Variants in ZZZ3 observed in about 807,000 individuals in gnomAD.
ZZZ3 encodes the protein zinc finger ZZ-type containing 3.
In ZZZ3, 22 loss-of-function variants were observed where a neutral mutation model predicts 95.2. That is an observed-to-expected ratio of 0.23 (90% CI 0.17 to 0.33). The LOEUF (loss-of-function observed/expected upper bound fraction) is 0.33, where lower values mean the gene tolerates loss of function less well. Among genes scored for constraint, ZZZ3 ranks in the 10% least tolerant of loss-of-function variants. The pLI, the probability that ZZZ3 is intolerant of heterozygous loss-of-function variation, is 1.00. For missense variants in ZZZ3, 885 were observed against 1,066.5 expected (o/e 0.83, Z 2.37); for synonymous variants, 335 against 358.9 (o/e 0.93, Z 0.75).
At chr1:77,570,465 C>G (rs1211867861) in intron 12 of ZZZ3, among the ~76,000 whole-genome samples, 1 of 152,032 alleles carries the variant, frequency 6.6e-6, no homozygotes, top group East Asian at 1.9e-4. Flanking sequence ...ATACTTTCTA[C>G]AATCGCTTTC....
rs375700374 is a variant in ZZZ3 at position 77,678,701 on chromosome 1, G to A, written c.-403+3884C>T. Among the ~76,000 whole-genome samples the A allele has an allele frequency of 1.3e-4, 20 of 152,172 alleles. No individual in the cohort carries two copies. In the East Asian group the frequency reaches 2.5e-3, roughly 19 times the overall value. ...TGTAGATGACATTTCAGCTGCCAAT[G>A]TCCCTAACTCCAATGGCCAACACTG... On this transcript the variant is annotated intron_variant, in intron 1 of 14. Coordinates refer to ENST00000370801, the MANE Select transcript of ZZZ3 (RefSeq NM_015534.6).
intron 4 of ZZZ3, among the ~76,000 whole-genome samples, chr1:77,636,533 C>G (rs1193907817): frequency 6.6e-6 from 1 of 151,370 alleles, no homozygotes; most frequent in Non-Finnish European, 1.5e-5. Flanking sequence ...GGCAACATGG[C>G]GAAACCCTGT....
At chr1:77,654,357 T>A (rs1670083048) in intron 1 of ZZZ3, among the ~76,000 whole-genome samples, 1 of 152,078 alleles carries the variant, frequency 6.6e-6, no homozygotes, top group African/African-American at 2.4e-5. Flanking sequence ...AAGAGGAACA[T>A]TTCCCAACTC....
chr1:77,623,395 C>T (rs1470035914), intron 5 of ZZZ3, among the ~76,000 whole-genome samples: 1 of 152,074 alleles, frequency 6.6e-6, no homozygotes, highest in African/African-American at 2.4e-5. Flanking sequence ...CTCCACAAAC[C>T]AAGCAAAGAA....
At position 77,681,762 on chromosome 1, in the gene ZZZ3, C is replaced by T. The variant is rs528970563; in HGVS notation, c.-403+823G>A. On this transcript the variant is annotated intron_variant, in intron 1 of 14. Coordinates refer to ENST00000370801, the MANE Select transcript of ZZZ3 (RefSeq NM_015534.6). ...CAAAAATTAGCCGGGCGTGGTGAAG[C>T]GCGACTGTAATCCCAGCTACTCGAT... Among the ~76,000 whole-genome samples, 16 of 152,022 alleles carry T rather than the reference C, an allele frequency of 1.1e-4. No homozygotes were observed. In the South Asian group the frequency reaches 3.3e-3, roughly 32 times the overall value.
chr1:77,615,330 C>T (rs1381067156), intron 5 of ZZZ3, among the ~76,000 whole-genome samples: 2 of 152,148 alleles, frequency 1.3e-5, no homozygotes, highest in Non-Finnish European at 2.9e-5. Context: ...AAAAAATATC[C>T]ACACAATATT....
At chr1:77,673,038 C>T (rs1025492481) in intron 1 of ZZZ3, among the ~76,000 whole-genome samples, 2 of 152,168 alleles carry the variant, frequency 1.3e-5, no homozygotes, top group Admixed American at 6.5e-5. Flanking sequence ...GTATACACGT[C>T]ACTCTTAATC....
In ZZZ3 at chr1:77,579,378, T is replaced by C. The variant is rs1438817681; in HGVS notation, c.2082+149A>G. ...GTTGTTTCTGAAATCAACGAAAATATATACAATTTTTTTAAAAAAACACCA... is the reference window on the plus strand; with the variant it reads ...GTTGTTTCTGAAATCAACGAAAATACATACAATTTTTTTAAAAAAACACCA... On this transcript the variant is annotated intron_variant, in intron 10 of 14. Coordinates refer to ENST00000370801, the MANE Select transcript of ZZZ3 (RefSeq NM_015534.6). 7.7e-6 allele frequency: 4 copies of C among 520,158 alleles called. No homozygotes were observed. The Admixed American group carries it at 1.5e-4, about 20-fold the overall frequency. The allele number at this position is 520,158 out of a possible 1,614,324, so 32.2% of individuals were successfully genotyped here. A position where few individuals can be genotyped will look rare whatever the true frequency, so the allele number is the denominator to read the frequency against.
chr1:77,611,421 AGATTT>A (rs1557724374), intron 5 of ZZZ3, among the ~76,000 whole-genome samples: 1 of 152,046 alleles, frequency 6.6e-6, no homozygotes, highest in Non-Finnish European at 1.5e-5. Context: ...AGCAACCTAC[AGATTT>A]AATGCAATCC....
At chr1:77,654,715 T>C (rs575296975) in intron 1 of ZZZ3, among the ~76,000 whole-genome samples, 5 of 152,288 alleles carry the variant, frequency 3.3e-5, no homozygotes, top group African/African-American at 9.6e-5. Flanking sequence ...CGCCTCTCCA[T>C]AGATAGATGG....
At chr1:77,614,172 TA>T (rs1335236340) in intron 5 of ZZZ3, among the ~76,000 whole-genome samples, 1 of 152,212 alleles carries the variant, frequency 6.6e-6, no homozygotes, top group Admixed American at 6.5e-5. Context: ...ACACAACCCT[TA>T]AATTACTTTA....
At position 77,566,173 on chromosome 1, in the gene ZZZ3, G is replaced by A. The variant is rs774538552; in HGVS notation, c.2475C>T (p.Asn825=). ...FVQHVGFKCD[N]CGIEPIQGVR... ...CACCCTGGATGGGTTCTATGCCACAGTTATCACACTATAACAGATTCAGAG... is the reference window on the plus strand; with the variant it reads ...CACCCTGGATGGGTTCTATGCCACAATTATCACACTATAACAGATTCAGAG... Residue 825 remains asparagine, a synonymous_variant, in exon 14 of 15, where the codon AAC becomes AAT. Coordinates refer to ENST00000370801, the MANE Select transcript of ZZZ3 (RefSeq NM_015534.6). The A allele has an allele frequency of 3.7e-5, 59 of 1,608,088 alleles. No individual in the cohort carries two copies. The highest frequency in any genetic ancestry group is 4.9e-5 in the Non-Finnish European group (58 of 1,175,730).
At position 77,584,661 on chromosome 1, in the gene ZZZ3, G is replaced by A. The variant is rs1662911444; in HGVS notation, c.1506-6C>T. The A allele has an allele frequency of 3.9e-6, 6 of 1,542,430 alleles. No individual in the cohort carries two copies. Among genetic ancestry groups the A allele is most frequent in the Non-Finnish European group, 4.3e-6 (5 of 1,151,444 alleles). Reference sequence around the variant, plus strand: ...TCTGTAATAGTCTCTGATAACTACAGAGACAAAGAAAAATATTTCACAAAA... The same window carrying A: ...TCTGTAATAGTCTCTGATAACTACAAAGACAAAGAAAAATATTTCACAAAA... On this transcript the variant is annotated splice_region_variant and splice_polypyrimidine_tract_variant and intron_variant, in intron 5 of 14. Coordinates refer to ENST00000370801, the MANE Select transcript of ZZZ3 (RefSeq NM_015534.6).
At chr1:77,576,031 C>A (rs1054379975) in intron 12 of ZZZ3, 37 bp downstream of exon 12, 3 of 1,534,144 alleles carry the variant, frequency 2.0e-6, no homozygotes, top group African/African-American at 1.4e-5. Flanking sequence ...CTCTTCTATA[C>A]CTTGATGTAT....
chr1:77,597,031 A>G (rs990201698), intron 5 of ZZZ3, among the ~76,000 whole-genome samples: 2 of 152,102 alleles, frequency 1.3e-5, no homozygotes, highest in Admixed American at 1.3e-4. Context: ...CCATTCTCCA[A>G]TAGGAACTAG....
At chr1:77,601,309 A>C (rs1403199270) in intron 5 of ZZZ3, among the ~76,000 whole-genome samples, 1 of 152,206 alleles carries the variant, frequency 6.6e-6, no homozygotes, top group African/African-American at 2.4e-5. Flanking sequence ...TCACACAAGG[A>C]AATCACTAGT....
intron 4 of ZZZ3, 57 bp from the exon 5 acceptor site, chr1:77,633,462 G>A (rs562218221): frequency 1.4e-5 from 16 of 1,164,690 alleles, no homozygotes; most frequent in South Asian, 1.0e-4. Context: ...TACCCAGAAC[G>A]AAAGTATAAA....
At chr1:77,572,834 T>C (rs906436259) in intron 12 of ZZZ3, among the ~76,000 whole-genome samples, 31 of 151,228 alleles carry the variant, frequency 2.0e-4, no homozygotes, top group Admixed American at 1.3e-4. Flanking sequence ...TTTGTAGAGA[T>C]GGGGTCTCAC....
At chr1:77,615,880 G>A (rs1666261541) in intron 5 of ZZZ3, among the ~76,000 whole-genome samples, 1 of 152,018 alleles carries the variant, frequency 6.6e-6, no homozygotes, top group Non-Finnish European at 1.5e-5. Flanking sequence ...ACAGGCATAT[G>A]CTACCTAATG....
Sources: gnomAD v4.1 joint callset for allele counts (sites outside exome capture counted in the v4.1 genomes callset) on GRCh38, gnomAD v4.1.1 for gene constraint, MANE v1.5 for transcripts, NCBI Gene and HGNC (gene_info 2026-07-23, HGNC 2026-07-21) for gene names.